PTGES3: variants seen among roughly 807,000 people sequenced by gnomAD.
PTGES3 encodes the protein Hsp90 co-chaperone.
A neutral mutation model predicts 29.9 loss-of-function variants in PTGES3; 5 were observed. The ratio of observed to expected loss-of-function variants is 0.17; its 90% confidence interval spans 0.09 to 0.35. The LOEUF (loss-of-function observed/expected upper bound fraction) is 0.35, where lower values mean the gene tolerates loss of function less well. Ranked by LOEUF, PTGES3 falls within the 10% of genes least tolerant of loss-of-function variation. The pLI is 1.00. For synonymous variants in PTGES3, 49 were observed against 57.8 expected (o/e 0.85, Z 0.69); for missense variants, 128 against 190.0 (o/e 0.67, Z 1.92).
At chr12:56,666,589 G>A (rs147478472) in intron 5 of PTGES3, among the ~76,000 whole-genome samples, 2 of 152,236 alleles carry the variant, frequency 1.3e-5, no homozygotes, top group East Asian at 3.9e-4. Flanking sequence ...ATTTGTAGTT[G>A]CACAGCTATC....
chr12:56,683,966 A>AC (rs1283181325), intron 1 of PTGES3, among the ~76,000 whole-genome samples: 3 of 145,830 alleles, frequency 2.1e-5, no homozygotes, highest in Admixed American at 6.9e-5. Flanking sequence ...TCAAAAAAAA[A>AC]AAAAACAAAA....
rs1952009477 is a variant in PTGES3, at chr12:56,671,599, T to C, written c.285+150A>G. 3 of 447,284 alleles carry C rather than the reference T, an allele frequency of 6.7e-6. No homozygotes were observed. In the East Asian group the frequency reaches 1.0e-4, roughly 16 times the overall value. 27.7% of individuals were successfully genotyped at this position (447,284 alleles called of 1,614,324 possible). A position where few individuals can be genotyped will look rare whatever the true frequency, so the allele number is the denominator to read the frequency against. ...CTGATATTCTGATCACACTTCGTAT[T>C]AAAACTGAGTAGACAAAAAACATGA... On this transcript the variant is annotated intron_variant, in intron 4 of 7. Transcript: ENST00000262033.
rs1210031244 is a variant in PTGES3, at chr12:56,663,443, A to AG, written c.*1035dup. ...AAGTGCATCTACAATATGCTATTAC[A>AG]GATCCACTTTTAAAAGGTTTCCTGT... is the stretch of plus-strand genomic sequence containing the variant. On this transcript the variant is annotated 3_prime_UTR_variant, in exon 8 of 8. Transcript: ENST00000262033. 1 of 152,278 alleles carries AG rather than the reference A, an allele frequency of 6.6e-6. No individual in the cohort carries two copies. Among genetic ancestry groups the AG allele is most frequent in the Non-Finnish European group, 1.5e-5 (1 of 68,038 alleles). The allele number at this position is 152,278 out of a possible 1,614,324, so 9.4% of individuals were successfully genotyped here.
intron 1 of PTGES3, among the ~76,000 whole-genome samples, chr12:56,684,820 T>C (rs1306612778): frequency 6.6e-6 from 1 of 152,136 alleles, no homozygotes; most frequent in Non-Finnish European, 1.5e-5. Context: ...TTATGTAAAT[T>C]ATGAGACAAA....
intron 1 of PTGES3, among the ~76,000 whole-genome samples, chr12:56,677,068 C>T (rs1328136158): frequency 2.0e-5 from 3 of 151,608 alleles, no homozygotes; most frequent in African/African-American, 2.4e-5. Context: ...GGTGAAATCC[C>T]GTCTCTACTA....
chr12:56,675,084 G>A (rs1952176605), intron 1 of PTGES3, among the ~76,000 whole-genome samples: 3 of 149,074 alleles, frequency 2.0e-5, no homozygotes, highest in South Asian at 2.1e-4. Flanking sequence ...GGCGGATCAC[G>A]AGGTCAGGAG....
chr12:56,666,501 TG>T (rs1402890136), intron 5 of PTGES3, among the ~76,000 whole-genome samples: 1 of 152,232 alleles, frequency 6.6e-6, no homozygotes, highest in Non-Finnish European at 1.5e-5. Context: ...AAGCTATTCA[TG>T]CAACAGGTTT....
Position 56,676,100 on chromosome 12 carries a change from C to T in PTGES3, c.3-3035G>A, listed in dbSNP as rs924626946. Among the ~76,000 whole-genome samples the T allele has an allele frequency of 4.7e-5, 7 of 148,320 alleles. No individual in the cohort carries two copies. The East Asian group carries it at 5.8e-4, about 12-fold the overall frequency. ...AATTAGCCAGGCGAGGTGGCGTATG[C>T]CTGTAATACCAGCTATTTGGGAGGC... On this transcript the variant is annotated intron_variant, in intron 1 of 7. Coordinates refer to ENST00000262033, the MANE Select transcript of PTGES3 (RefSeq NM_006601.7).
intron 1 of PTGES3, among the ~76,000 whole-genome samples, chr12:56,676,543 G>C (rs1034318547): frequency 6.6e-6 from 1 of 152,056 alleles, no homozygotes; most frequent in Non-Finnish European, 1.5e-5. Context: ...GTTAAAAGAA[G>C]AATGCTTCAG....
intron 6 of PTGES3, 174 bp from the exon 7 acceptor site, chr12:56,664,974 G>A: frequency 2.0e-6 from 2 of 985,384 alleles, no homozygotes; most frequent in Non-Finnish European, 2.4e-6. Context: ...AAGGTGAATG[G>A]ATGTACAGCA....
Position 56,688,174 on chromosome 12 carries a change from T to G in PTGES3, c.-175A>C. On this transcript the variant is annotated 5_prime_UTR_variant, in exon 1 of 8. Transcript: ENST00000262033. Reference sequence around the variant, plus strand: ...GCGGGCTCGACCTCGGGCCCCAGAATGCACCGCGCGGAAAGAGCGGCTCCT... The same window carrying G: ...GCGGGCTCGACCTCGGGCCCCAGAAGGCACCGCGCGGAAAGAGCGGCTCCT... 8.3e-7 allele frequency: 1 copy of G among 1,203,940 alleles called. No individual in the cohort carries two copies. The highest frequency in any genetic ancestry group is 1.8e-5 in the South Asian group (1 of 54,516). The allele number at this position is 1,203,940 out of a possible 1,614,324, so 74.6% of individuals were successfully genotyped here. A position where few individuals can be genotyped will look rare whatever the true frequency, so the allele number is the denominator to read the frequency against.
At chr12:56,683,363 C>G (rs11171934) in intron 1 of PTGES3, among the ~76,000 whole-genome samples, 1,769 of 150,104 alleles carry the variant, frequency 0.012, 119 homozygotes, top group Admixed American at 0.11. Context: ...ATCGCAGCTA[C>G]CCGGGAGGCT....
intron 1 of PTGES3, chr12:56,687,755 A>T: frequency 7.2e-7 from 1 of 1,379,404 alleles, no homozygotes; most frequent in Non-Finnish European, 9.3e-7. Flanking sequence ...AAAGGGGTAA[A>T]AGTAGGATTT....
intron 4 of PTGES3, chr12:56,670,604 T>TG: frequency 2.1e-6 from 1 of 472,704 alleles, no homozygotes; most frequent in Non-Finnish European, 3.9e-6. Flanking sequence ...CCCCGCTTCC[T>TG]GGGACAACAC....
intron 1 of PTGES3, 74 bp downstream of exon 1, chr12:56,687,924 G>A (rs1468265404): frequency 2.5e-6 from 4 of 1,603,364 alleles, no homozygotes; most frequent in Admixed American, 1.7e-5. Context: ...AGGCTAGGGG[G>A]CCGCTTCCAG....
At chr12:56,678,595 T>C (rs1439734681) in intron 1 of PTGES3, among the ~76,000 whole-genome samples, 1 of 152,180 alleles carries the variant, frequency 6.6e-6, no homozygotes, top group South Asian at 2.1e-4. Context: ...GTGCATCAAT[T>C]TTTTATAGTG....
At chr12:56,676,182 C>G (rs957054313) in intron 1 of PTGES3, among the ~76,000 whole-genome samples, 1 of 145,182 alleles carries the variant, frequency 6.9e-6, no homozygotes, top group Non-Finnish European at 1.5e-5. Context: ...GCCGAGATCA[C>G]GCCACTGCAC....
chr12:56,684,683 G>C (rs746207922), intron 1 of PTGES3, among the ~76,000 whole-genome samples: 2 of 152,056 alleles, frequency 1.3e-5, no homozygotes, highest in Non-Finnish European at 2.9e-5. Context: ...TCGGTCGAAC[G>C]ACAATGATTC....
rs376735445 is a variant in PTGES3 at position 56,679,015 on chromosome 12, C to A, written c.3-5950G>T. On this transcript the variant is annotated intron_variant, in intron 1 of 7. Transcript: ENST00000262033. ...CTTGTAGTCCTAGCTAACTGGGGGG[C>A]ACTGAGGTGGGAGAATTGCTTGAGA... Among the ~76,000 whole-genome samples the A allele has an allele frequency of 1.4e-4, 22 of 152,144 alleles. No homozygotes were observed. The East Asian group carries it at 4.3e-3, about 29-fold the overall frequency.
Sources: allele counts gnomAD v4.1 joint callset (sites outside exome capture counted in the v4.1 genomes callset), GRCh38; gene constraint gnomAD v4.1.1; transcripts MANE v1.5; gene names NCBI Gene and HGNC (gene_info 2026-07-23, HGNC 2026-07-21).